The following PDIA5 variants were observed in gnomAD, a reference collection of about 807,000 sequenced individuals.
The protein encoded by PDIA5 is protein disulfide isomerase family A member 5, also known as protein disulfide-isomerase A5.
Under a neutral mutation model 77.6 loss-of-function variants are expected in PDIA5, and 58 were observed. That is an observed-to-expected ratio of 0.75 (90% CI 0.61 to 0.93). The LOEUF (loss-of-function observed/expected upper bound fraction) is 0.93, where lower values mean the gene tolerates loss of function less well. Among genes scored for constraint, PDIA5 ranks in the 40% least tolerant of loss-of-function variants. PDIA5 has a pLI of 0.00. For missense variants in PDIA5, 630 were observed against 647.7 expected, an observed-to-expected ratio of 0.97 and a Z score of 0.30; for synonymous variants, 250 against 252.1, an observed-to-expected ratio of 0.99 and a Z score of 0.08.
At chr3:123,145,624 T>C in intron 12 of PDIA5, 32 bp downstream of exon 12, 2 of 1,546,924 alleles carry the variant, frequency 1.3e-6, no homozygotes, top group Non-Finnish European at 1.8e-6. Context: ...CTCACCGTTC[T>C]CTTTGAAAGA....
chr3:123,134,632 C>G (rs1935448259), intron 11 of PDIA5, among the ~76,000 whole-genome samples: 1 of 152,230 alleles, frequency 6.6e-6, no homozygotes, highest in South Asian at 2.1e-4. Context: ...TTCCCTCTCT[C>G]TCCCAGCAAG....
chr3:123,145,425 T>C, intron 11 of PDIA5, 97 bp from the exon 12 acceptor site: 1 of 784,374 alleles, frequency 1.3e-6, no homozygotes, highest in Non-Finnish European at 2.1e-6. Context: ...CTCAGGTGTC[T>C]GGGAATGGGA....
chr3:123,105,879 G>C (rs527239111), intron 5 of PDIA5, among the ~76,000 whole-genome samples: 3 of 152,292 alleles, frequency 2.0e-5, no homozygotes, highest in South Asian at 4.1e-4. Flanking sequence ...CACCGTCTCT[G>C]AGTGACTGAA....
intron 7 of PDIA5, among the ~76,000 whole-genome samples, chr3:123,112,204 C>T (rs529855779): frequency 1.3e-5 from 2 of 152,178 alleles, no homozygotes; most frequent in African/African-American, 4.8e-5. Context: ...CTGCATCGGC[C>T]CTTCACGAAG....
chr3:123,133,175 T>G (rs1176912196), intron 11 of PDIA5, among the ~76,000 whole-genome samples: 1 of 152,120 alleles, frequency 6.6e-6, no homozygotes, highest in Non-Finnish European at 1.5e-5. Flanking sequence ...CATGCCAGAG[T>G]GCTTCTGAGA....
intron 2 of PDIA5, among the ~76,000 whole-genome samples, 154 bp from the exon 3 acceptor site, chr3:123,092,201 G>A (rs1177354477): frequency 6.6e-6 from 1 of 152,198 alleles, no homozygotes; most frequent in Non-Finnish European, 1.5e-5. Context: ...CCCTGGCACT[G>A]TTGAATGCAG....
chr3:123,147,052 C>A (rs1241727596), intron 13 of PDIA5, among the ~76,000 whole-genome samples: 2 of 152,092 alleles, frequency 1.3e-5, no homozygotes, highest in African/African-American at 4.8e-5. Flanking sequence ...CTCAAGTGAT[C>A]CACCCGCCTC....
intron 1 of PDIA5, among the ~76,000 whole-genome samples, chr3:123,074,852 A>G (rs1412850809): frequency 6.6e-6 from 1 of 152,244 alleles, no homozygotes; most frequent in Non-Finnish European, 1.5e-5. Flanking sequence ...GTGGAAAAAA[A>G]TTATATAACA....
At chr3:123,144,093 C>G (rs1262723314) in intron 11 of PDIA5, among the ~76,000 whole-genome samples, 2 of 152,154 alleles carry the variant, frequency 1.3e-5, no homozygotes, top group Non-Finnish European at 2.9e-5. Flanking sequence ...TCACCTGGAG[C>G]TGAGTTCTGC....
At chr3:123,134,921 C>T (rs113902525) in intron 11 of PDIA5, among the ~76,000 whole-genome samples, 3 of 152,200 alleles carry the variant, frequency 2.0e-5, no homozygotes, top group African/African-American at 7.2e-5. Context: ...GGCCAGGAGC[C>T]GCCTCTCTTG....
intron 5 of PDIA5, among the ~76,000 whole-genome samples, chr3:123,103,613 T>C (rs893224721): frequency 3.9e-5 from 6 of 152,184 alleles, no homozygotes; most frequent in African/African-American, 1.4e-4. Context: ...AGTGTCCCTC[T>C]CCCTCTGCCC....
chr3:123,117,324 C>G (rs1469650165), intron 8 of PDIA5, among the ~76,000 whole-genome samples: 1 of 142,664 alleles, frequency 7.0e-6, no homozygotes, highest in Non-Finnish European at 1.5e-5. Context: ...GCCTTCCCAC[C>G]CCACTCCTGA....
intron 1 of PDIA5, among the ~76,000 whole-genome samples, chr3:123,074,796 T>C (rs1933807931): frequency 6.6e-6 from 1 of 152,178 alleles, no homozygotes; most frequent in South Asian, 2.1e-4. Context: ...TAGAGGTTAG[T>C]GAAGATAAAG....
At chr3:123,080,300 G>A (rs999492719) in intron 1 of PDIA5, among the ~76,000 whole-genome samples, 1 of 152,180 alleles carries the variant, frequency 6.6e-6, no homozygotes, top group East Asian at 1.9e-4. Flanking sequence ...GAGATTTTGA[G>A]TCCTTGGCTC....
intron 3 of PDIA5, among the ~76,000 whole-genome samples, chr3:123,100,639 G>C (rs1010353399): frequency 2.6e-5 from 4 of 152,328 alleles, no homozygotes; most frequent in Admixed American, 6.5e-5. Context: ...GGGGTGGAAG[G>C]GGGCAGGGAG....
chr3:123,079,175 C>CTTTTTTTTTTTTT (rs35252405), intron 1 of PDIA5, among the ~76,000 whole-genome samples: 2 of 94,080 alleles, frequency 2.1e-5, no homozygotes, highest in Non-Finnish European at 4.0e-5. Flanking sequence ...ATTTTGAATT[C>CTTTTTTTTTTTTT]TTTTTTTTTT....
chr3:123,124,431 G>A, intron 10 of PDIA5, 88 bp downstream of exon 10: 1 of 930,728 alleles, frequency 1.1e-6, no homozygotes, highest in South Asian at 1.3e-5. Flanking sequence ...CTGGCTGGAG[G>A]TTGGGGGAAA....
chr3:123,150,220 C>T lies in PDIA5; in HGVS notation c.1143-14C>T, dbSNP rs1935857193. ...TCCTTATGGCTGCCTCCCCACTCCCCTGGCTTCTTGCAGCCCTGAGGCCCC... is the reference window on the plus strand; with the variant it reads ...TCCTTATGGCTGCCTCCCCACTCCCTTGGCTTCTTGCAGCCCTGAGGCCCC... On this transcript the variant is annotated splice_polypyrimidine_tract_variant and intron_variant, in intron 13 of 16. Coordinates refer to ENST00000316218, the MANE Select transcript of PDIA5 (RefSeq NM_006810.4). The T allele has an allele frequency of 6.2e-7, 1 of 1,606,270 alleles. No individual in the cohort carries two copies.
At chr3:123,155,208 G>A (rs1035626079) in intron 15 of PDIA5, among the ~76,000 whole-genome samples, 167 bp downstream of exon 15, 1 of 152,186 alleles carries the variant, frequency 6.6e-6, no homozygotes, top group African/African-American at 2.4e-5. Context: ...AGGGCAGGCT[G>A]GATTTATGCT....
Sources: gnomAD v4.1 joint callset for allele counts (sites outside exome capture counted in the v4.1 genomes callset) on GRCh38, gnomAD v4.1.1 for gene constraint, MANE v1.5 for transcripts, NCBI Gene and HGNC (gene_info 2026-07-23, HGNC 2026-07-21) for gene names.